Variants in GRIK2 observed in about 807,000 individuals in gnomAD.
GRIK2 encodes the protein glutamate ionotropic receptor kainate type subunit 2.
A neutral mutation model predicts 100.3 loss-of-function variants in GRIK2; 32 were observed. The observed-to-expected ratio is 0.32, with a 90% CI of 0.24 to 0.43. The LOEUF is 0.43. GRIK2 is among the 20% of genes least tolerant of loss of function. The pLI, the probability that GRIK2 is intolerant of heterozygous loss-of-function variation, is 1.00. For synonymous variants in GRIK2, 417 were observed against 389.4 expected (o/e 1.07, Z -0.83); for missense variants, 843 against 1,114.9 (o/e 0.76, Z 3.47).
intron 2 of GRIK2, among the ~76,000 whole-genome samples, chr6:101,410,814 T>G (rs2128237904): frequency 6.6e-6 from 1 of 152,198 alleles, no homozygotes; most frequent in African/African-American, 2.4e-5. Context: ...GTAAAGTTTA[T>G]TGGGAAAATT....
At chr6:101,946,619 G>A (rs1426714115) in intron 14 of GRIK2, among the ~76,000 whole-genome samples, 2 of 152,012 alleles carry the variant, frequency 1.3e-5, no homozygotes, top group African/African-American at 4.8e-5. Flanking sequence ...TGAATTAAAG[G>A]AATATGACAG....
At chr6:101,736,705 T>G (rs2128374706) in intron 7 of GRIK2, among the ~76,000 whole-genome samples, 1 of 152,306 alleles carries the variant, frequency 6.6e-6, no homozygotes, top group East Asian at 1.9e-4. Flanking sequence ...TGGGAGGGAC[T>G]GCTGCAAAGA....
Position 102,035,557 on chromosome 6 carries a change from A to T in GRIK2, c.2302A>T (p.Thr768Ser). ...LIDSKGYGVG[T>S]PMGSPYRDKI... ...AGACTCTAAAGGTTATGGCGTTGGC[A>T]CTCCCATGGGTAGGTTATATGTCAG... Residue 768 changes from threonine to serine, a missense_variant, in exon 15 of 17, where the codon ACT (threonine) becomes TCT (serine). Transcript: ENST00000369134. The T allele has an allele frequency of 6.3e-7, 1 of 1,575,564 alleles. No homozygotes were observed. The highest frequency in any genetic ancestry group is 8.7e-7 in the Non-Finnish European group (1 of 1,146,692).
At chr6:102,057,831 CT>C (rs1771539053) in intron 16 of GRIK2, among the ~76,000 whole-genome samples, 1 of 151,778 alleles carries the variant, frequency 6.6e-6, no homozygotes, top group Non-Finnish European at 1.5e-5. Flanking sequence ...TGGAGTAAAT[CT>C]TGTCTATTAT....
At chr6:101,755,333 A>AT (rs1304233173) in intron 7 of GRIK2, among the ~76,000 whole-genome samples, 1 of 151,494 alleles carries the variant, frequency 6.6e-6, no homozygotes, top group Non-Finnish European at 1.5e-5. Context: ...CGCCCAGCTG[A>AT]TTTTTTGTAT....
At chr6:101,803,459 C>T (rs565766329) in intron 9 of GRIK2, among the ~76,000 whole-genome samples, 103 of 151,808 alleles carry the variant, frequency 6.8e-4, no homozygotes, top group Non-Finnish European at 1.3e-3. Flanking sequence ...GGATTTCAAA[C>T]TGTACACTTT....
At chr6:101,451,765 A>G (rs1177813197) in intron 2 of GRIK2, among the ~76,000 whole-genome samples, 2 of 150,858 alleles carry the variant, frequency 1.3e-5, no homozygotes, top group East Asian at 3.9e-4. Context: ...ATTTAATGTG[A>G]CTGGCCAGAA....
At chr6:101,566,234 A>G (rs1446549113) in intron 2 of GRIK2, among the ~76,000 whole-genome samples, 5 of 151,788 alleles carry the variant, frequency 3.3e-5, no homozygotes. Flanking sequence ...AATGAAGCCA[A>G]TTTTGGTAAG....
At chr6:101,413,818 A>G (rs930652084) in intron 2 of GRIK2, among the ~76,000 whole-genome samples, 1 of 152,126 alleles carries the variant, frequency 6.6e-6, no homozygotes, top group Non-Finnish European at 1.5e-5. Context: ...TATGATATAT[A>G]CACAACTATT....
intron 14 of GRIK2, among the ~76,000 whole-genome samples, chr6:101,954,756 A>G (rs1582608040): frequency 6.6e-6 from 1 of 152,130 alleles, no homozygotes; most frequent in Non-Finnish European, 1.5e-5. Flanking sequence ...TTGAATGTAA[A>G]TGAGAAAGGT....
At chr6:101,982,853 G>C (rs754332933) in intron 14 of GRIK2, among the ~76,000 whole-genome samples, 9 of 151,742 alleles carry the variant, frequency 5.9e-5, no homozygotes, top group Admixed American at 2.6e-4. Flanking sequence ...TAAGAACTTA[G>C]AGACAGCATG....
At chr6:101,975,793 G>GTCTATCTATCTGTCTGTCTATCTA (rs1450931270) in intron 14 of GRIK2, among the ~76,000 whole-genome samples, 6 of 96,934 alleles carry the variant, frequency 6.2e-5, no homozygotes, top group African/African-American at 1.1e-4. Context: ...CTGTCTGTCT[G>GTCTATCTATCTGTCTGTCTATCTA]TCTATCTATC....
chr6:101,882,041 G>A (rs1786285921), intron 11 of GRIK2, among the ~76,000 whole-genome samples: 1 of 151,992 alleles, frequency 6.6e-6, no homozygotes, highest in African/African-American at 2.4e-5. Context: ...AGACAAGAGA[G>A]AATGAGAGCC....
intron 2 of GRIK2, among the ~76,000 whole-genome samples, chr6:101,409,337 C>A (rs1005968450): frequency 6.6e-6 from 1 of 151,848 alleles, no homozygotes; most frequent in Admixed American, 6.6e-5. Flanking sequence ...TAGGCTATAC[C>A]ATTTAGGTTT....
chr6:101,706,790 A>T (rs1773332814), intron 7 of GRIK2, among the ~76,000 whole-genome samples: 1 of 151,944 alleles, frequency 6.6e-6, no homozygotes, highest in African/African-American at 2.4e-5. Flanking sequence ...AAGGCTGCCA[A>T]GCTCAATCAC....
intron 7 of GRIK2, among the ~76,000 whole-genome samples, chr6:101,792,592 G>A (rs1779958257): frequency 6.6e-6 from 1 of 151,918 alleles, no homozygotes; most frequent in Non-Finnish European, 1.5e-5. Flanking sequence ...TAGTCTGATG[G>A]GCTTCCCTTT....
intron 3 of GRIK2, among the ~76,000 whole-genome samples, chr6:101,625,236 G>C (rs1780374178): frequency 6.6e-6 from 1 of 151,960 alleles, no homozygotes; most frequent in Non-Finnish European, 1.5e-5. Context: ...ACCCAGGCTT[G>C]GTGGCATGTG....
At chr6:101,747,121 A>G (rs2128381845) in intron 7 of GRIK2, among the ~76,000 whole-genome samples, 1 of 152,306 alleles carries the variant, frequency 6.6e-6, no homozygotes, top group East Asian at 1.9e-4. Context: ...CAAGTTTGGT[A>G]TCTTAAATCA....
intron 2 of GRIK2, among the ~76,000 whole-genome samples, chr6:101,562,114 T>C (rs1777050007): frequency 2.0e-5 from 3 of 152,156 alleles, no homozygotes; most frequent in Admixed American, 6.5e-5. Context: ...GCTCAGTGCA[T>C]GTCTGTGAAA....
Sources: allele counts gnomAD v4.1 joint callset (sites outside exome capture counted in the v4.1 genomes callset), GRCh38; gene constraint gnomAD v4.1.1; transcripts MANE v1.5; gene names NCBI Gene and HGNC (gene_info 2026-07-23, HGNC 2026-07-21).